Variants in TPST1 observed in about 807,000 individuals in gnomAD.
TPST1 encodes tyrosylprotein sulfotransferase 1, also known as protein-tyrosine sulfotransferase 1.
In TPST1, 20 loss-of-function variants were observed where a neutral mutation model predicts 34.8. That is an observed-to-expected ratio of 0.57 (90% confidence interval 0.40 to 0.84). The LOEUF (loss-of-function observed/expected upper bound fraction) is 0.84, where lower values mean the gene tolerates loss of function less well. Among genes scored for constraint, TPST1 ranks in the 40% least tolerant of loss-of-function variants. TPST1 has a pLI of 0.00. For missense variants in TPST1, 353 were observed against 455.5 expected (o/e 0.78, Z 2.05); for synonymous variants, 152 against 159.4 (o/e 0.95, Z 0.35).
At chr7:66,229,778 C>G (rs1323289769) in intron 1 of TPST1, among the ~76,000 whole-genome samples, 1 of 152,120 alleles carries the variant, frequency 6.6e-6, no homozygotes, top group Non-Finnish European at 1.5e-5. Flanking sequence ...GCTTTTTATC[C>G]TTGTCAGCAC....
chr7:66,214,274 T>TGA (rs1334039163), intron 1 of TPST1, among the ~76,000 whole-genome samples: 1 of 151,964 alleles, frequency 6.6e-6, no homozygotes, highest in Non-Finnish European at 1.5e-5. Flanking sequence ...ATATCTATTT[T>TGA]GAGCACATAA....
At chr7:66,254,272 C>T (rs758968765) in intron 2 of TPST1, among the ~76,000 whole-genome samples, 18 of 152,154 alleles carry the variant, frequency 1.2e-4, no homozygotes, top group Non-Finnish European at 2.4e-4. Context: ...AGGTCGTCTA[C>T]AATATCCTTT....
chr7:66,262,247 T>C (rs1308603733), intron 2 of TPST1, among the ~76,000 whole-genome samples: 1 of 152,192 alleles, frequency 6.6e-6, no homozygotes, highest in East Asian at 1.9e-4. Flanking sequence ...GTAAGACAAA[T>C]AGCCCTTAGT....
intron 3 of TPST1, among the ~76,000 whole-genome samples, chr7:66,334,623 G>A (rs1180070820): frequency 2.5e-5 from 3 of 117,786 alleles, no homozygotes; most frequent in African/African-American, 3.6e-5. Context: ...GTGAAAGAGC[G>A]AGACTCCATC....
At chr7:66,263,087 G>A (rs1790519772) in intron 2 of TPST1, among the ~76,000 whole-genome samples, 3 of 151,504 alleles carry the variant, frequency 2.0e-5, no homozygotes, top group Admixed American at 2.0e-4. Context: ...GTGACAGAGT[G>A]AGACTCCATC....
At chr7:66,210,557 T>C (rs1372557200) in intron 1 of TPST1, among the ~76,000 whole-genome samples, 1 of 152,208 alleles carries the variant, frequency 6.6e-6, no homozygotes, top group East Asian at 1.9e-4. Context: ...ACCTTGTTAC[T>C]TTAAAGATGC....
chr7:66,245,076 G>A (rs1790119960), intron 2 of TPST1, among the ~76,000 whole-genome samples: 1 of 152,156 alleles, frequency 6.6e-6, no homozygotes, highest in Non-Finnish European at 1.5e-5. Context: ...TGGAAATGGA[G>A]ACATTTTTGA....
rs188930511 is a variant in TPST1, at chr7:66,231,479, G to A, written c.-101-8846G>A. On this transcript the variant is annotated intron_variant, in intron 1 of 5. Transcript: ENST00000304842. Reference sequence around the variant, plus strand: ...AGGGGGTGGGAGGCTCAGGCATGGCGGGCTGCAGGTCCTGAGCCCTGCCCC... The same window carrying A: ...AGGGGGTGGGAGGCTCAGGCATGGCAGGCTGCAGGTCCTGAGCCCTGCCCC... Among the ~76,000 whole-genome samples, 20 of 152,348 alleles carry A rather than the reference G, an allele frequency of 1.3e-4. No homozygotes were observed. In the East Asian group the frequency reaches 2.7e-3, roughly 21 times the overall value.
intron 3 of TPST1, among the ~76,000 whole-genome samples, chr7:66,307,958 T>C (rs989727450): frequency 1.3e-5 from 2 of 152,370 alleles, no homozygotes; most frequent in South Asian, 4.1e-4. Flanking sequence ...GAATAGTTTA[T>C]TGACATAGCT....
upstream of TPST1, among the ~76,000 whole-genome samples, chr7:66,203,116 A>T (rs895672169): frequency 1.3e-5 from 2 of 152,018 alleles, no homozygotes; most frequent in African/African-American, 4.8e-5. Flanking sequence ...ATTGCTGTCT[A>T]CCATCTTATA....
chr7:66,331,060 T>G (rs1194598939), intron 3 of TPST1, among the ~76,000 whole-genome samples: 1 of 152,180 alleles, frequency 6.6e-6, no homozygotes, highest in East Asian at 1.9e-4. Flanking sequence ...AGGATCTGCC[T>G]TCAAGCTCTC....
At chr7:66,199,101 C>T in the TPST1 span, among the ~76,000 whole-genome samples, 1 of 152,110 alleles carries the variant, frequency 6.6e-6, no homozygotes, top group Admixed American at 6.6e-5. Flanking sequence ...CCTGGCAGGA[C>T]CCTGAGTGAC....
chr7:66,358,384 T>A lies in TPST1; in HGVS notation c.*30-1511T>A, dbSNP rs186064300. ...ACTTTATATAATGATGTATTGTGCA[T>A]ACTCCATACCAGGCATAAAATACCA... On this transcript the variant is annotated intron_variant, in intron 5 of 5. Transcript: ENST00000304842. Among the ~76,000 whole-genome samples the A allele has an allele frequency of 5.3e-3, 797 of 151,710 alleles. 5 individuals carry two copies. The highest frequency in any genetic ancestry group is 7.4e-3 in the Non-Finnish European group (504 of 67,936).
At chr7:66,284,548 T>C (rs951027129) in intron 2 of TPST1, among the ~76,000 whole-genome samples, 5 of 136,366 alleles carry the variant, frequency 3.7e-5, no homozygotes, top group African/African-American at 1.4e-4. Flanking sequence ...GCCACTGTCT[T>C]AGCTTTTTTT....
At chr7:66,350,570 GA>G (rs1047436676) in intron 3 of TPST1, among the ~76,000 whole-genome samples, 1 of 151,780 alleles carries the variant, frequency 6.6e-6, no homozygotes, top group African/African-American at 2.4e-5. Context: ...GGCATTGCAG[GA>G]AAAAAAAGTG....
rs189926634 is a variant in TPST1 at position 66,294,356 on chromosome 7, C to T, written c.1044+7647C>T. Among the ~76,000 whole-genome samples the T allele has an allele frequency of 1.3e-3, 196 of 152,312 alleles. 1 individual carries two copies. Among genetic ancestry groups the T allele is most frequent in the African/African-American group, 4.5e-3 (186 of 41,560 alleles). ...CTTGTTTATATCAGTGTCCTTCCCT[C>T]CCTACAACCATATAACCGTATCATG... On this transcript the variant is annotated intron_variant, in intron 3 of 5. Coordinates refer to ENST00000304842, the MANE Select transcript of TPST1 (RefSeq NM_003596.4).
At position 66,260,748 on chromosome 7, in the gene TPST1, G is replaced by A. The variant is rs183799380; in HGVS notation, c.845+19478G>A. 5.5e-4 allele frequency among the ~76,000 whole-genome samples: 84 copies of A among 152,114 alleles called. No homozygotes were observed. The East Asian group carries it at 7.3e-3, about 13-fold the overall frequency. On this transcript the variant is annotated intron_variant, in intron 2 of 5. Coordinates refer to ENST00000304842, the MANE Select transcript of TPST1 (RefSeq NM_003596.4). Reference sequence around the variant, plus strand: ...CTTACTTGACCAGTTTGATCTTTGGGGTTTTTGCTTTTATGATTTGTTAGG... The same window carrying A: ...CTTACTTGACCAGTTTGATCTTTGGAGTTTTTGCTTTTATGATTTGTTAGG...
chr7:66,331,485 A>G (rs1177346599), intron 3 of TPST1, among the ~76,000 whole-genome samples: 1 of 152,224 alleles, frequency 6.6e-6, no homozygotes, highest in Non-Finnish European at 1.5e-5. Context: ...AAGTTTCTGG[A>G]TAGATTTTTA....
At chr7:66,234,010 TGCC>T (rs1789853213) in intron 1 of TPST1, among the ~76,000 whole-genome samples, 1 of 152,192 alleles carries the variant, frequency 6.6e-6, no homozygotes. Context: ...TACAGGCATG[TGCC>T]ACCACGGCTA....
Sources: gnomAD v4.1 joint callset for allele counts (sites outside exome capture counted in the v4.1 genomes callset) on GRCh38, gnomAD v4.1.1 for gene constraint, MANE v1.5 for transcripts, NCBI Gene and HGNC (gene_info 2026-07-23, HGNC 2026-07-21) for gene names.